NPLOC4: variants seen among roughly 807,000 people sequenced by gnomAD.
NPLOC4 encodes nuclear protein localization protein 4 homolog.
A neutral mutation model predicts 80.6 loss-of-function variants in NPLOC4; 18 were observed. That is an observed-to-expected ratio of 0.22 (90% CI 0.15 to 0.33). The LOEUF (loss-of-function observed/expected upper bound fraction) is 0.33. Ranked by LOEUF, NPLOC4 falls within the 10% of genes least tolerant of loss-of-function variation. The pLI, the probability that NPLOC4 is intolerant of heterozygous loss-of-function variation, is 1.00. For missense variants in NPLOC4, 540 were observed against 786.1 expected (o/e 0.69, Z 3.74); for synonymous variants, 313 against 301.5 (o/e 1.04, Z -0.39).
intron 3 of NPLOC4, among the ~76,000 whole-genome samples, chr17:81,618,185 C>G (rs1333906236): frequency 6.7e-6 from 1 of 149,880 alleles, no homozygotes; most frequent in Non-Finnish European, 1.5e-5. Context: ...CGTCTCTGCC[C>G]GGCCGCCATC....
In NPLOC4 at chr17:81,606,716, G is replaced by A. The variant is rs1286794905; in HGVS notation, c.629C>T (p.Pro210Leu). 6.2e-7 allele frequency: 1 copy of A among 1,613,558 alleles called. No individual in the cohort carries two copies. The highest frequency in any genetic ancestry group is 8.5e-7 in the Non-Finnish European group (1 of 1,179,776). Residue 210 changes from proline (P) to leucine (L), a missense_variant, in exon 7 of 17, where the codon CCG (proline) becomes CTG (leucine). By Grantham distance (98) the Pro-to-Leu change is moderately conservative. Around this residue, in one of 6 missense-constraint regions of NPLOC4, gnomAD observed 61 missense variants for 156.7 expected, o/e 0.39. Transcript: ENST00000331134. Reference sequence around the variant, plus strand: ...CTGTCTGTTCAGCGTGATGGCGCTCGGCTGGCACTTAGTACAGATGCCATT... The same window carrying A: ...CTGTCTGTTCAGCGTGATGGCGCTCAGCTGGCACTTAGTACAGATGCCATT... ...WPNGICTKCQ[P>L]SAITLNRQKY...
chr17:81,571,910 G>T, intron 13 of NPLOC4, 107 bp downstream of exon 13: 1 of 677,114 alleles, frequency 1.5e-6, no homozygotes, highest in East Asian at 3.1e-5. Context: ...AAGGCAGAGG[G>T]TGCCTTAAAT....
rs1255647544 is a variant in NPLOC4, at chr17:81,622,285, CA to C, written c.97-8del. ...AGCCAAACTCCTTTGCAACCTAAAA[CA>C]AGGCCCAAAGAACAGAAATTTAATG... is the stretch of plus-strand genomic sequence containing the variant. On this transcript the variant is annotated splice_region_variant and splice_polypyrimidine_tract_variant and intron_variant, in intron 2 of 16. Coordinates refer to ENST00000331134, the MANE Select transcript of NPLOC4 (RefSeq NM_017921.4). The C allele has an allele frequency of 8.8e-6, 14 of 1,598,302 alleles. No homozygotes were observed. The highest frequency in any genetic ancestry group is 1.2e-5 in the Non-Finnish European group (14 of 1,165,798).
intron 3 of NPLOC4, 39 bp from the exon 4 acceptor site, chr17:81,613,533 C>T: frequency 6.4e-7 from 1 of 1,573,662 alleles, no homozygotes; most frequent in African/African-American, 1.4e-5. Context: ...CCTTCCCTTA[C>T]CACCTGAGCT....
chr17:81,582,403 T>G (rs555828242), intron 12 of NPLOC4, among the ~76,000 whole-genome samples: 24 of 152,300 alleles, frequency 1.6e-4, no homozygotes, highest in African/African-American at 4.3e-4. Flanking sequence ...TGTGTGTGTA[T>G]GTATGTCTGC....
In NPLOC4 at chr17:81,613,465, G is replaced by A. The variant is rs1157166475; in HGVS notation, c.239C>T (p.Ser80Leu). 8 of 1,613,730 alleles carry A rather than the reference G, an allele frequency of 5.0e-6. No individual in the cohort carries two copies. The highest frequency in any genetic ancestry group is 4.5e-5 in the East Asian group (2 of 44,890). The change falls in exon 4 of 17, where the codon TCG becomes TTG. Residue 80 changes from serine to leucine, a missense_variant. Coordinates refer to ENST00000331134, the MANE Select transcript of NPLOC4 (RefSeq NM_017921.4). The part of the protein sequence containing the change: ...KHGDLLFLFP[S>L]SLAGPSSEME... The stretch of plus-strand genomic sequence containing the variant: ...TTCAGATGAGGGCCCAGCAAGGCTC[G>A]AGGGAAACAGGAACAACAAATCGCC...
At chr17:81,571,990 C>G in intron 13 of NPLOC4, 27 bp downstream of exon 13, 1 of 1,570,658 alleles carries the variant, frequency 6.4e-7, no homozygotes, top group Non-Finnish European at 8.7e-7. Context: ...GGTCCACCTG[C>G]CCAAGCTGTG....
In NPLOC4 at chr17:81,615,722, G is replaced by A. The variant is rs954136881; in HGVS notation, c.210-2228C>T. Among the ~76,000 whole-genome samples the A allele has an allele frequency of 3.9e-5, 6 of 152,274 alleles. No individual in the cohort carries two copies. The South Asian group carries it at 6.2e-4, about 16-fold the overall frequency. On this transcript the variant is annotated intron_variant, in intron 3 of 16. Coordinates refer to ENST00000331134, the MANE Select transcript of NPLOC4 (RefSeq NM_017921.4). ...CTGCCCAGAGGGGGCAGCTGAGTCC[G>A]AAACTTCCACATAAATGCAGATAAC...
rs77025041 is a variant in NPLOC4 at position 81,600,610 on chromosome 17, T to G, written c.835-183A>C. On this transcript the variant is annotated intron_variant, in intron 8 of 16. Transcript: ENST00000331134. ...CTCCCGGCTTCTCTCCTTCTCGGGT[T>G]GTGCTGCACCTTTTACCAGGGCTGC... Among the ~76,000 whole-genome samples, 8 of 152,262 alleles carry G rather than the reference T, an allele frequency of 5.3e-5. No homozygotes were observed. In the East Asian group the frequency reaches 1.5e-3, roughly 29 times the overall value.
intron 2 of NPLOC4, among the ~76,000 whole-genome samples, chr17:81,625,050 C>G (rs1210755818): frequency 8.5e-5 from 13 of 152,088 alleles, no homozygotes; most frequent in African/African-American, 2.4e-5. Context: ...GAGAGATGGG[C>G]TGAGACAGGG....
intron 4 of NPLOC4, among the ~76,000 whole-genome samples, chr17:81,612,061 GAA>G (rs2035356124): frequency 6.6e-6 from 1 of 152,000 alleles, no homozygotes; most frequent in South Asian, 2.1e-4. Context: ...TCCAAGTTTG[GAA>G]AATACCTACT....
rs371486676 is a variant in NPLOC4, at chr17:81,559,256, G to A, written c.*3C>T. ...CGGTCCTAGCCAGCAGAGGGCAGGCGCCCTAGGTCCTGGGGAGGCTGCACA... is the reference window on the plus strand; with the variant it reads ...CGGTCCTAGCCAGCAGAGGGCAGGCACCCTAGGTCCTGGGGAGGCTGCACA... On this transcript the variant is annotated 3_prime_UTR_variant, in exon 17 of 17. Coordinates refer to ENST00000331134, the MANE Select transcript of NPLOC4 (RefSeq NM_017921.4). The A allele has an allele frequency of 2.8e-4, 449 of 1,598,336 alleles. No homozygotes were observed. The highest frequency in any genetic ancestry group is 6.6e-4 in the South Asian group (58 of 88,374).
At position 81,608,834 on chromosome 17, in the gene NPLOC4, C is replaced by G. The variant is rs751041289; in HGVS notation, c.436-12G>C. 1 of 1,565,774 alleles carries G rather than the reference C, an allele frequency of 6.4e-7. No homozygotes were observed. Among genetic ancestry groups the G allele is most frequent in the Non-Finnish European group, 8.7e-7 (1 of 1,154,092 alleles). ...TCCTCATCGAATGGCTGCCAAGACA[C>G]AGAGTAAGCGAGTGCAGTCTCACAC... On this transcript the variant is annotated splice_polypyrimidine_tract_variant and intron_variant, in intron 5 of 16. Coordinates refer to ENST00000331134, the MANE Select transcript of NPLOC4 (RefSeq NM_017921.4).
At chr17:81,614,588 GCTACTGAC>G (rs2035431659) in intron 3 of NPLOC4, among the ~76,000 whole-genome samples, 1 of 34,404 alleles carries the variant, frequency 2.9e-5, no homozygotes, top group African/African-American at 2.1e-4. Context: ...TGTCTCTGAA[GCTACTGAC>G]GTACTGCTTT....
chr17:81,585,664 G>C (rs999044509), intron 12 of NPLOC4, among the ~76,000 whole-genome samples: 8 of 145,592 alleles, frequency 5.5e-5, no homozygotes, highest in African/African-American at 1.5e-4. Flanking sequence ...CCATTTCTGG[G>C]GGGGGGGGGA....
chr17:81,614,096 G>A (rs1280316842), intron 3 of NPLOC4, among the ~76,000 whole-genome samples: 1 of 151,844 alleles, frequency 6.6e-6, no homozygotes, highest in Non-Finnish European at 1.5e-5. Flanking sequence ...CCAACAGGGT[G>A]AAATCTCGTC....
At chr17:81,630,551 A>G (rs2035902121) in intron 1 of NPLOC4, among the ~76,000 whole-genome samples, 1 of 151,988 alleles carries the variant, frequency 6.6e-6, no homozygotes, top group South Asian at 2.1e-4. Flanking sequence ...TACAGGTGTG[A>G]GCCACAACGC....
At chr17:81,587,656 GAAAC>G (rs1015295817) in intron 12 of NPLOC4, among the ~76,000 whole-genome samples, 21 of 115,254 alleles carry the variant, frequency 1.8e-4, no homozygotes, top group Non-Finnish European at 3.2e-4. Context: ...AAGGAAAAAA[GAAAC>G]AAAGAAAAAA....
chr17:81,613,120 A>C, intron 4 of NPLOC4, 198 bp downstream of exon 4: 1 of 479,144 alleles, frequency 2.1e-6, no homozygotes, highest in Non-Finnish European at 3.3e-6. Flanking sequence ...GGAAACTGAT[A>C]AAAAGCTAAA....
Sources: allele counts gnomAD v4.1 joint callset (sites outside exome capture counted in the v4.1 genomes callset), GRCh38; gene constraint gnomAD v4.1.1; regional missense constraint gnomAD v4.1.1; transcripts MANE v1.5; gene names NCBI Gene and HGNC (gene_info 2026-07-23, HGNC 2026-07-21).